The following RMDN2 variants were observed in gnomAD, a reference collection of about 807,000 sequenced individuals.
The protein encoded by RMDN2 is regulator of microtubule dynamics protein 2.
Under a neutral mutation model 52.8 loss-of-function variants are expected in RMDN2, and 61 were observed. That is an observed-to-expected ratio of 1.16 (90% CI 0.94 to 1.43). The LOEUF (loss-of-function observed/expected upper bound fraction) is 1.43. Ranked by LOEUF, RMDN2 falls within the 40% of genes most tolerant of loss-of-function variation. The pLI is 0.00. For synonymous variants in RMDN2, 180 were observed against 153.1 expected, an observed-to-expected ratio of 1.18 and a Z score of -1.30; for missense variants, 592 against 475.3, an observed-to-expected ratio of 1.25 and a Z score of -2.28.
chr2:37,925,629 A>G (rs1666211868), intron 1 of RMDN2, among the ~76,000 whole-genome samples: 1 of 152,176 alleles, frequency 6.6e-6, no homozygotes, highest in Non-Finnish European at 1.5e-5. Context: ...TCCCGGGTTC[A>G]TCCCTCGCTG....
chr2:37,958,356 T>C lies in RMDN2; in HGVS notation c.453-15684T>C, dbSNP rs552038591. On this transcript the variant is annotated intron_variant, in intron 2 of 10. Transcript: ENST00000354545. Reference sequence around the variant, plus strand: ...TTTGTAGTTCTTCTTGAAGAAGTCCTTCACATCCCCTCTAAGTTGTATTCC... The same window carrying C: ...TTTGTAGTTCTTCTTGAAGAAGTCCCTCACATCCCCTCTAAGTTGTATTCC... Among the ~76,000 whole-genome samples, 3 of 143,938 alleles carry C rather than the reference T, an allele frequency of 2.1e-5. 1 individual carries two copies. The highest frequency in any genetic ancestry group is 6.7e-5 in the Admixed American group (1 of 15,030). The allele number at this position is 143,938 out of a possible 152,430, so 94.4% of individuals were successfully genotyped here.
intron 2 of RMDN2, among the ~76,000 whole-genome samples, chr2:37,962,915 C>G (rs763177872): frequency 1.3e-5 from 2 of 152,216 alleles, no homozygotes; most frequent in Non-Finnish European, 2.9e-5. Context: ...CACAGTCTCT[C>G]ATGGCACAGT....
At chr2:37,964,893 G>T (rs1298697834) in intron 2 of RMDN2, among the ~76,000 whole-genome samples, 2 of 151,982 alleles carry the variant, frequency 1.3e-5, no homozygotes, top group South Asian at 2.1e-4. Flanking sequence ...AATTCTGTCA[G>T]TGTTTGCTTC....
In RMDN2 at chr2:38,003,987, T is replaced by A. The variant is rs755321614; in HGVS notation, c.1045-4T>A. On this transcript the variant is annotated splice_region_variant and splice_polypyrimidine_tract_variant and intron_variant, in intron 8 of 10. Coordinates refer to ENST00000354545, the MANE Select transcript of RMDN2 (RefSeq NM_001170791.3). ...TATTCTCTCATGTTTTTCTCTCAAA[T>A]CAGGCTGAAGAACTATGCCCTGGTT... 3 of 1,609,638 alleles carry A rather than the reference T, an allele frequency of 1.9e-6. No individual in the cohort carries two copies. Among genetic ancestry groups the A allele is most frequent in the Non-Finnish European group, 2.6e-6 (3 of 1,176,148 alleles).
At chr2:37,998,222 C>A (rs988125966) in intron 8 of RMDN2, 2 of 152,108 alleles carry the variant, frequency 1.3e-5, no homozygotes, top group African/African-American at 4.8e-5. Flanking sequence ...CTACCTACTT[C>A]AAGTTTACAA....
At chr2:37,950,915 C>G (rs544652145) in intron 2 of RMDN2, among the ~76,000 whole-genome samples, 4 of 152,000 alleles carry the variant, frequency 2.6e-5, no homozygotes, top group African/African-American at 9.7e-5. Flanking sequence ...TTCTGGTATC[C>G]TTGCATATGT....
At chr2:37,930,403 A>G (rs1228024031) in intron 2 of RMDN2, among the ~76,000 whole-genome samples, 1 of 152,036 alleles carries the variant, frequency 6.6e-6, no homozygotes, top group Non-Finnish European at 1.5e-5. Context: ...CCGAGGGCCA[A>G]TGGAAATTTA....
chr2:37,988,081 G>A (rs1161024016), intron 5 of RMDN2, among the ~76,000 whole-genome samples: 1 of 152,014 alleles, frequency 6.6e-6, no homozygotes, highest in Non-Finnish European at 1.5e-5. Context: ...TAATAGTGGG[G>A]GCTATAATGT....
intron 4 of RMDN2, among the ~76,000 whole-genome samples, chr2:37,977,280 T>C (rs1672604856): frequency 1.3e-5 from 2 of 152,252 alleles, no homozygotes; most frequent in Admixed American, 1.3e-4. Flanking sequence ...TCTCTTTCTT[T>C]TCCCCACATT....
rs890075405 is a variant in RMDN2 at position 38,043,646 on chromosome 2, T to C, written c.1714-23336T>C. On this transcript the variant is annotated intron_variant, in intron 10 of 10. Coordinates refer to the RMDN2 transcript ENST00000234195. ...CATTTTCTCTCGTCCTTTACTATATTATAATTCTTTCAAGAAACATTTTTG... is the reference window on the plus strand; with the variant it reads ...CATTTTCTCTCGTCCTTTACTATATCATAATTCTTTCAAGAAACATTTTTG... Among the ~76,000 whole-genome samples, 14 of 152,252 alleles carry C rather than the reference T, an allele frequency of 9.2e-5. No individual in the cohort carries two copies. In the South Asian group the frequency reaches 1.9e-3, roughly 20 times the overall value.
intron 10 of RMDN2, among the ~76,000 whole-genome samples, chr2:38,009,481 C>G (rs1677624780): frequency 6.6e-6 from 1 of 152,208 alleles, no homozygotes. Context: ...CACTGATACC[C>G]TTTCTTCCAG....
intron 10 of RMDN2, chr2:38,012,543 T>C: frequency 2.2e-6 from 1 of 459,898 alleles, no homozygotes. Flanking sequence ...ATTGGAAGTA[T>C]TTCTGTAATA....
Position 37,972,033 on chromosome 2 carries a change from C to A in RMDN2, c.453-2007C>A, listed in dbSNP as rs147531589. On this transcript the variant is annotated intron_variant, in intron 2 of 10. Coordinates refer to ENST00000354545, the MANE Select transcript of RMDN2 (RefSeq NM_001170791.3). The stretch of plus-strand genomic sequence containing the variant: ...CATTTTAGAAACATCTTTTAATATG[C>A]TTTTATAATTTTCTCCATTGAATTT... Among the ~76,000 whole-genome samples, 139 of 152,162 alleles carry A rather than the reference C, an allele frequency of 9.1e-4. 2 individuals are homozygous for A. In the East Asian group the frequency reaches 0.023, roughly 25 times the overall value.
chr2:38,050,191 T>G (rs1182898304), intron 10 of RMDN2, among the ~76,000 whole-genome samples: 1 of 152,094 alleles, frequency 6.6e-6, no homozygotes, highest in Non-Finnish European at 1.5e-5. Flanking sequence ...CTGTGAGACC[T>G]CGCACCATGG....
chr2:37,946,716 C>G (rs966776866), intron 2 of RMDN2, among the ~76,000 whole-genome samples: 1 of 152,082 alleles, frequency 6.6e-6, no homozygotes, highest in Admixed American at 6.6e-5. Flanking sequence ...TTGGATGATT[C>G]TTTTTTTCAA....
intron 4 of RMDN2, among the ~76,000 whole-genome samples, chr2:37,979,143 G>C (rs1053337729): frequency 6.6e-6 from 1 of 152,082 alleles, no homozygotes; most frequent in Non-Finnish European, 1.5e-5. Flanking sequence ...TGAAATAAAA[G>C]TAAAAGAATT....
intron 10 of RMDN2, among the ~76,000 whole-genome samples, chr2:38,057,940 C>A (rs1034097333): frequency 6.6e-6 from 1 of 152,174 alleles, no homozygotes; most frequent in East Asian, 1.9e-4. Flanking sequence ...ACCAATTAAA[C>A]CTCTTTGCTT....
At chr2:37,932,968 C>T (rs984066465) in intron 2 of RMDN2, among the ~76,000 whole-genome samples, 3 of 151,760 alleles carry the variant, frequency 2.0e-5, no homozygotes, top group East Asian at 3.9e-4. Context: ...AGACGCTCCT[C>T]ACTTCCCAGA....
intron 10 of RMDN2, among the ~76,000 whole-genome samples, chr2:38,042,523 AT>A (rs906807677): frequency 1.2e-4 from 18 of 144,272 alleles, no homozygotes; most frequent in Admixed American, 2.7e-4. Flanking sequence ...TTCTACTCTA[AT>A]TTTTTTTTTC....
Sources: gnomAD v4.1 joint callset for allele counts (sites outside exome capture counted in the v4.1 genomes callset) on GRCh38, gnomAD v4.1.1 for gene constraint, MANE v1.5 for transcripts, NCBI Gene and HGNC (gene_info 2026-07-23, HGNC 2026-07-21) for gene names.